Variants in MACROD2 observed in about 807,000 individuals in gnomAD.
The protein encoded by MACROD2 is ADP-ribose glycohydrolase MACROD2.
MACROD2 carries 36 observed loss-of-function variants against 70.4 expected under a neutral mutation model. The observed-to-expected ratio is 0.51, with a 90% CI of 0.39 to 0.68. The LOEUF is 0.68. MACROD2 is among the 30% of genes least tolerant of loss of function. The pLI is 0.00. For synonymous variants in MACROD2, 172 were observed against 178.8 expected (o/e 0.96, Z 0.30); for missense variants, 496 against 538.4 (o/e 0.92, Z 0.78).
chr20:15,059,496 A>G (rs1229748923), intron 5 of MACROD2, among the ~76,000 whole-genome samples: 1 of 152,234 alleles, frequency 6.6e-6, no homozygotes, highest in Non-Finnish European at 1.5e-5. Flanking sequence ...ATATTTAATA[A>G]CAGGGATTAT....
chr20:15,290,494 T>C (rs1204099088), intron 6 of MACROD2, among the ~76,000 whole-genome samples: 1 of 152,210 alleles, frequency 6.6e-6, no homozygotes, highest in Non-Finnish European at 1.5e-5. Flanking sequence ...AGAGATGCTA[T>C]TGTATAGGTA....
chr20:15,742,704 T>C (rs886519621), intron 8 of MACROD2, among the ~76,000 whole-genome samples: 1 of 152,236 alleles, frequency 6.6e-6, no homozygotes, highest in Non-Finnish European at 1.5e-5. Context: ...CTAAAATAAC[T>C]CTTCAGTTTG....
rs1369669944 is a variant in MACROD2 at position 16,052,173 on chromosome 20, G to A, written c.*2297G>A. On this transcript the variant is annotated 3_prime_UTR_variant, in exon 18 of 18. Coordinates refer to ENST00000684519, the MANE Select transcript of MACROD2 (RefSeq NM_001351661.2). ...TAGATTGTGTTTTCATTTTTGCTTT[G>A]TCATGCTTTTTGGTTGTTATTTGGC... 1 of 152,076 alleles carries A rather than the reference G, an allele frequency of 6.6e-6. No individual in the cohort carries two copies. The highest frequency in any genetic ancestry group is 2.4e-5 in the African/African-American group (1 of 41,400). 9.4% of individuals were successfully genotyped at this position (152,076 alleles called of 1,614,324 possible).
At chr20:15,135,930 C>G (rs1333995047) in intron 5 of MACROD2, among the ~76,000 whole-genome samples, 2 of 151,874 alleles carry the variant, frequency 1.3e-5, no homozygotes, top group Non-Finnish European at 2.9e-5. Context: ...AACAGACAAA[C>G]AGCCAAATCA....
chr20:15,195,184 T>A (rs914248644), intron 5 of MACROD2, among the ~76,000 whole-genome samples: 2 of 152,152 alleles, frequency 1.3e-5, no homozygotes, highest in African/African-American at 2.4e-5. Flanking sequence ...GCAAAGATTT[T>A]GTGGCAAAAA....
intron 4 of MACROD2, among the ~76,000 whole-genome samples, chr20:14,502,904 T>C (rs2084929685): frequency 6.6e-6 from 1 of 152,158 alleles, no homozygotes; most frequent in South Asian, 2.1e-4. Flanking sequence ...TGTATAGTGG[T>C]CATCATAAGG....
intron 4 of MACROD2, among the ~76,000 whole-genome samples, chr20:14,629,979 C>T (rs1030793833): frequency 2.6e-5 from 4 of 152,044 alleles, no homozygotes; most frequent in Admixed American, 6.6e-5. Flanking sequence ...ATCTATCTAT[C>T]TATCTATCTA....
intron 5 of MACROD2, among the ~76,000 whole-genome samples, chr20:14,954,066 G>C (rs2074497865): frequency 6.6e-6 from 1 of 152,062 alleles, no homozygotes; most frequent in Non-Finnish European, 1.5e-5. Context: ...GCGGTAAATA[G>C]ATTTTTTTTT....
chr20:15,050,648 G>T (rs1195374348), intron 5 of MACROD2, among the ~76,000 whole-genome samples: 1 of 147,348 alleles, frequency 6.8e-6, no homozygotes. Flanking sequence ...TTCACGCTAG[G>T]TTTCTTCTTA....
intron 5 of MACROD2, among the ~76,000 whole-genome samples, chr20:14,978,894 T>TTATATATATA (rs1052601504): frequency 1.1e-3 from 5 of 4,680 alleles, no homozygotes; most frequent in African/African-American, 1.4e-3. Context: ...AATATATATA[T>TTATATATATA]TATATAATAT....
chr20:15,960,196 G>A (rs900164572), intron 12 of MACROD2, among the ~76,000 whole-genome samples: 1 of 152,174 alleles, frequency 6.6e-6, no homozygotes, highest in Non-Finnish European at 1.5e-5. Flanking sequence ...CCACCTTAGT[G>A]TCTGTTGGTC....
At chr20:15,220,289 G>A (rs1246557803) in intron 5 of MACROD2, among the ~76,000 whole-genome samples, 2 of 152,182 alleles carry the variant, frequency 1.3e-5, no homozygotes, top group East Asian at 1.9e-4. Flanking sequence ...ATTATATCGG[G>A]CCAACTTTTA....
At chr20:15,943,811 A>G (rs1568657997) in intron 12 of MACROD2, among the ~76,000 whole-genome samples, 1 of 152,070 alleles carries the variant, frequency 6.6e-6, no homozygotes, top group Non-Finnish European at 1.5e-5. Context: ...TTAATATAAA[A>G]ATTATTTTTG....
At chr20:15,754,709 A>G (rs2051322870) in intron 8 of MACROD2, among the ~76,000 whole-genome samples, 2 of 143,352 alleles carry the variant, frequency 1.4e-5, no homozygotes, top group South Asian at 4.3e-4. Flanking sequence ...TTTAAGTGCC[A>G]TCTAAACAGA....
intron 8 of MACROD2, among the ~76,000 whole-genome samples, chr20:15,832,047 C>T (rs543369324): frequency 4.5e-4 from 68 of 152,214 alleles, no homozygotes; most frequent in South Asian, 1.5e-3. Flanking sequence ...GTTTTACCTA[C>T]GTATGTTCTT....
intron 5 of MACROD2, among the ~76,000 whole-genome samples, chr20:14,897,751 A>G (rs567787336): frequency 6.6e-6 from 1 of 152,314 alleles, no homozygotes; most frequent in African/African-American, 2.4e-5. Context: ...GGTGGCATAT[A>G]AAAAACAAAT....
Position 15,965,421 on chromosome 20 carries a change from G to A in MACROD2, c.908-2132G>A, listed in dbSNP as rs536763861. Among the ~76,000 whole-genome samples the A allele has an allele frequency of 4.6e-5, 7 of 152,058 alleles. No individual in the cohort carries two copies. The East Asian group carries it at 1.2e-3, about 25-fold the overall frequency. ...CGATGTAAATCACCATTGAGGAGACGTTTCTTATGTAATATTTGGGCAGAA... is the reference window on the plus strand; with the variant it reads ...CGATGTAAATCACCATTGAGGAGACATTTCTTATGTAATATTTGGGCAGAA... On this transcript the variant is annotated intron_variant, in intron 12 of 17. Transcript: ENST00000684519.
At chr20:14,565,326 T>C (rs1172308040) in intron 4 of MACROD2, among the ~76,000 whole-genome samples, 1 of 150,642 alleles carries the variant, frequency 6.6e-6, no homozygotes, top group Non-Finnish European at 1.5e-5. Context: ...ACTGAACTTA[T>C]ACTCCTGAAT....
intron 5 of MACROD2, among the ~76,000 whole-genome samples, chr20:15,012,574 A>T (rs908793708): frequency 6.6e-6 from 1 of 152,190 alleles, no homozygotes. Flanking sequence ...AAAATGTGGT[A>T]CAGTTGGTGC....
Sources: allele counts gnomAD v4.1 joint callset (sites outside exome capture counted in the v4.1 genomes callset), GRCh38; gene constraint gnomAD v4.1.1; transcripts MANE v1.5; gene names NCBI Gene and HGNC (gene_info 2026-07-23, HGNC 2026-07-21).